TYW1: variants seen among roughly 807,000 people sequenced by gnomAD.
TYW1 encodes tRNA-yW synthesizing protein 1 homolog.
In TYW1, 46 loss-of-function variants were observed where a neutral mutation model predicts 96.2. The ratio of observed to expected loss-of-function variants is 0.48; its 90% CI spans 0.38 to 0.61. The LOEUF is 0.61. TYW1 is among the 20% of genes least tolerant of loss of function. TYW1 has a pLI of 0.00. For synonymous variants in TYW1, 274 were observed against 323.0 expected (o/e 0.85, Z 1.63); for missense variants, 684 against 909.6 (o/e 0.75, Z 3.19).
At chr7:67,185,920 T>G (rs1210356192) in intron 14 of TYW1, among the ~76,000 whole-genome samples, 2 of 142,988 alleles carry the variant, frequency 1.4e-5, no homozygotes, top group Admixed American at 1.5e-4. Context: ...TTTGGTGAGT[T>G]TAGCTTTTGG....
At chr7:67,107,258 G>A (rs1020565683) in intron 12 of TYW1, among the ~76,000 whole-genome samples, 23 of 152,312 alleles carry the variant, frequency 1.5e-4, no homozygotes, top group African/African-American at 5.1e-4. Context: ...AGTAAATACT[G>A]CCGCCTGAGT....
intron 3 of TYW1, among the ~76,000 whole-genome samples, chr7:67,002,506 G>A (rs1446073978): frequency 2.0e-5 from 3 of 152,142 alleles, no homozygotes; most frequent in Admixed American, 6.6e-5. Flanking sequence ...TGTTAGTATT[G>A]CTAATGAGAA....
intron 6 of TYW1, among the ~76,000 whole-genome samples, chr7:67,020,680 T>C (rs985768267): frequency 6.6e-6 from 1 of 152,296 alleles, no homozygotes; most frequent in Non-Finnish European, 1.5e-5. Context: ...ATTGTCATCC[T>C]ATTATTCTCT....
At chr7:67,036,434 A>C (rs1794845203) in intron 7 of TYW1, among the ~76,000 whole-genome samples, 1 of 152,246 alleles carries the variant, frequency 6.6e-6, no homozygotes, top group South Asian at 2.1e-4. Context: ...GAAACAGTCC[A>C]TAGTCCATGA....
intron 12 of TYW1, among the ~76,000 whole-genome samples, chr7:67,107,001 T>G (rs927713744): frequency 2.0e-5 from 3 of 152,260 alleles, no homozygotes; most frequent in Admixed American, 6.5e-5. Context: ...ATTTCTGTTT[T>G]GTTTGCTTTG....
chr7:67,021,038 A>T (rs775795826), intron 6 of TYW1, among the ~76,000 whole-genome samples: 5 of 152,404 alleles, frequency 3.3e-5, no homozygotes, highest in African/African-American at 1.2e-4. Context: ...CAAAAAAAAT[A>T]AAAAACAAAT....
chr7:67,066,325 G>A (rs182693101), intron 9 of TYW1, among the ~76,000 whole-genome samples: 81 of 152,202 alleles, frequency 5.3e-4, no homozygotes, highest in Admixed American at 1.4e-3. Context: ...GTCTTACCCA[G>A]AGCTCTGGAC....
intron 13 of TYW1, among the ~76,000 whole-genome samples, chr7:67,141,906 G>T (rs1212789578): frequency 2.6e-5 from 4 of 152,106 alleles, no homozygotes; most frequent in Admixed American, 2.0e-4. Flanking sequence ...GTGGTGGTAG[G>T]CGCCTGTAAT....
chr7:67,127,404 C>T (rs1206318962), intron 13 of TYW1, among the ~76,000 whole-genome samples: 5 of 152,088 alleles, frequency 3.3e-5, no homozygotes. Context: ...AAGTGATCCA[C>T]CTGGCTCGGC....
At chr7:67,110,214 G>T (rs1184653658) in intron 12 of TYW1, among the ~76,000 whole-genome samples, 1 of 152,132 alleles carries the variant, frequency 6.6e-6, no homozygotes, top group African/African-American at 2.4e-5. Context: ...GGAAAAGCTG[G>T]GCCATGAGAT....
intron 7 of TYW1, among the ~76,000 whole-genome samples, chr7:67,029,858 G>A (rs1794616951): frequency 6.6e-6 from 1 of 152,012 alleles, no homozygotes; most frequent in African/African-American, 2.4e-5. Context: ...GCACCACCAC[G>A]CCAAGGTCAT....
Position 67,238,646 on chromosome 7 carries a change from G to A in TYW1, c.*117G>A, listed in dbSNP as rs1299044204. The A allele has an allele frequency of 6.8e-7, 1 of 1,472,610 alleles. No individual in the cohort carries two copies. Among genetic ancestry groups the A allele is most frequent in the Admixed American group, 2.6e-5 (1 of 38,904 alleles). The allele number at this position is 1,472,610 out of a possible 1,614,324, so 91.2% of individuals were successfully genotyped here. A position where few individuals can be genotyped will look rare whatever the true frequency, so the allele number is the denominator to read the frequency against. ...GTAAATTATACTTTCATACAAAGGAGACGATAAGGCAGTAAACATGGAGAC... is the reference window on the plus strand; with the variant it reads ...GTAAATTATACTTTCATACAAAGGAAACGATAAGGCAGTAAACATGGAGAC... On this transcript the variant is annotated 3_prime_UTR_variant, in exon 16 of 16. Coordinates refer to ENST00000359626, the MANE Select transcript of TYW1 (RefSeq NM_018264.4).
intron 11 of TYW1, among the ~76,000 whole-genome samples, chr7:67,095,770 G>A (rs35256723): frequency 1.6e-4 from 24 of 151,706 alleles, no homozygotes; most frequent in Admixed American, 7.9e-4. Flanking sequence ...CCCCTCACAC[G>A]TGGTGCTATC....
intron 13 of TYW1, among the ~76,000 whole-genome samples, chr7:67,175,511 A>G (rs1055764991): frequency 7.9e-5 from 12 of 152,248 alleles, no homozygotes; most frequent in Admixed American, 2.6e-4. Context: ...AGAATAAGAC[A>G]AAAGCGATTT....
rs530158276 is a variant in TYW1 at position 67,014,603 on chromosome 7, A to G, written c.570+42A>G. ...TTATAGGAATAAATTCTCCCCATAAACACACACACACGCACACACACGTAA... is the reference window on the plus strand; with the variant it reads ...TTATAGGAATAAATTCTCCCCATAAGCACACACACACGCACACACACGTAA... On this transcript the variant is annotated intron_variant, in intron 5 of 15. Transcript: ENST00000359626. The G allele has an allele frequency of 2.6e-6, 4 of 1,540,286 alleles. 1 individual carries two copies. The South Asian group carries it at 3.7e-5, about 14-fold the overall frequency.
chr7:67,023,788 C>T (rs1358558561), intron 6 of TYW1, among the ~76,000 whole-genome samples: 3 of 152,062 alleles, frequency 2.0e-5, no homozygotes, highest in Admixed American at 6.6e-5. Flanking sequence ...ACAACAACAA[C>T]AAAGAACAAA....
At chr7:67,114,923 C>G (rs908973808) in intron 12 of TYW1, among the ~76,000 whole-genome samples, 1 of 152,134 alleles carries the variant, frequency 6.6e-6, no homozygotes, top group Non-Finnish European at 1.5e-5. Context: ...GATCTGTAGA[C>G]TTCCTTGAGT....
chr7:67,056,952 T>C (rs923932012), intron 9 of TYW1, among the ~76,000 whole-genome samples: 3 of 152,134 alleles, frequency 2.0e-5, no homozygotes, highest in Non-Finnish European at 2.9e-5. Context: ...GTATTGTCTT[T>C]TAATTTTAGG....
At chr7:67,184,642 AT>A (rs1430314528) in intron 14 of TYW1, among the ~76,000 whole-genome samples, 16 of 38,442 alleles carry the variant, frequency 4.2e-4, no homozygotes, top group East Asian at 2.8e-3. Context: ...ATTTTATTTT[AT>A]TTTATTTATG....
Sources: allele counts gnomAD v4.1 joint callset (sites outside exome capture counted in the v4.1 genomes callset), GRCh38; gene constraint gnomAD v4.1.1; transcripts MANE v1.5; gene names NCBI Gene and HGNC (gene_info 2026-07-23, HGNC 2026-07-21).